The following TMED8 variants were observed in gnomAD, a reference collection of about 807,000 sequenced individuals.
TMED8 encodes protein TMED8.
In TMED8, 15 loss-of-function variants were observed where a neutral mutation model predicts 32.7. The ratio of observed to expected loss-of-function variants is 0.46; its 90% CI spans 0.31 to 0.71. The LOEUF (loss-of-function observed/expected upper bound fraction) is 0.71. Ranked by LOEUF, TMED8 falls within the 30% of genes least tolerant of loss-of-function variation. The pLI is 0.06. For missense variants in TMED8, 390 were observed against 423.9 expected, an observed-to-expected ratio of 0.92 and a Z score of 0.70; for synonymous variants, 147 against 161.4, an observed-to-expected ratio of 0.91 and a Z score of 0.68.
At chr14:77,358,344 C>T (rs968245231) in intron 1 of TMED8, among the ~76,000 whole-genome samples, 2 of 151,894 alleles carry the variant, frequency 1.3e-5, no homozygotes, top group Non-Finnish European at 2.9e-5. Context: ...CTCTGTCGCC[C>T]AGGCTAGAGT....
At chr14:77,346,741 G>C (rs1192419330) in intron 2 of TMED8, among the ~76,000 whole-genome samples, 1 of 141,490 alleles carries the variant, frequency 7.1e-6, no homozygotes, top group African/African-American at 2.6e-5. Context: ...TCCATCATCT[G>C]AGATGGACTG....
intron 3 of TMED8, among the ~76,000 whole-genome samples, chr14:77,345,051 G>C (rs902412514): frequency 6.6e-6 from 1 of 152,184 alleles, no homozygotes; most frequent in Non-Finnish European, 1.5e-5. Context: ...GCAATGGCAC[G>C]ATCTCAGCTC....
chr14:77,354,954 CAA>C (rs58297150), intron 1 of TMED8, among the ~76,000 whole-genome samples: 13 of 130,378 alleles, frequency 1.0e-4, no homozygotes, highest in African/African-American at 8.3e-5. Context: ...AACTCTGTCT[CAA>C]AAAAAAAAAA....
At chr14:77,352,280 G>C (rs890980134) in intron 1 of TMED8, among the ~76,000 whole-genome samples, 3 of 151,974 alleles carry the variant, frequency 2.0e-5, no homozygotes, top group Non-Finnish European at 4.4e-5. Context: ...CAGGCATGAT[G>C]GTGCACACCT....
In TMED8 at chr14:77,339,461, C is replaced by G. The variant is rs1480964568; in HGVS notation, c.*2310G>C. 1 of 152,176 alleles carries G rather than the reference C, an allele frequency of 6.6e-6. No homozygotes were observed. The highest frequency in any genetic ancestry group is 1.5e-5 in the Non-Finnish European group (1 of 68,036). The allele number at this position is 152,176 out of a possible 1,614,324, so 9.4% of individuals were successfully genotyped here. A position where few individuals can be genotyped will look rare whatever the true frequency, so the allele number is the denominator to read the frequency against. ...TAATAACAAGTGTTATCCTTGGGAG[C>G]TTGCTGTGTATGGCCTGACTGTTTC... On this transcript the variant is annotated 3_prime_UTR_variant, in exon 6 of 6. Transcript: ENST00000216468.
chr14:77,372,859 A>G (rs776373968), intron 1 of TMED8, among the ~76,000 whole-genome samples: 25 of 134,614 alleles, frequency 1.9e-4, no homozygotes, highest in Non-Finnish European at 2.6e-4. Context: ...CATGGTAGCC[A>G]CCAAATTTTG....
intron 1 of TMED8, among the ~76,000 whole-genome samples, chr14:77,353,695 A>C (rs1893232574): frequency 6.6e-6 from 1 of 151,668 alleles, no homozygotes; most frequent in South Asian, 2.1e-4. Context: ...TCCTGGGCTC[A>C]AGTGATCCTC....
intron 1 of TMED8, among the ~76,000 whole-genome samples, chr14:77,358,852 C>A (rs1264418953): frequency 6.6e-6 from 1 of 151,900 alleles, no homozygotes; most frequent in Non-Finnish European, 1.5e-5. Flanking sequence ...TTGTATGTTG[C>A]CCCCATCTTA....
rs1215911470 is a variant in TMED8, at chr14:77,341,252, A to T, written c.*519T>A. The T allele has an allele frequency of 6.1e-6, 1 of 163,996 alleles. No homozygotes were observed. The highest frequency in any genetic ancestry group is 5.8e-5 in the Admixed American group (1 of 17,272). 10.2% of individuals were successfully genotyped at this position (163,996 alleles called of 1,614,324 possible). On this transcript the variant is annotated 3_prime_UTR_variant, in exon 6 of 6. Transcript: ENST00000216468. ...TCCCAGCTATGCAGAGACCAAGAAT[A>T]ACCAGCAGGCAGGAATATGGCAGTG...
chr14:77,359,861 A>T (rs1432548695), intron 1 of TMED8: 2 of 180,762 alleles, frequency 1.1e-5, no homozygotes, highest in African/African-American at 4.8e-5. Flanking sequence ...TACAGTTCTC[A>T]GCAGCTCTTT....
intron 1 of TMED8, among the ~76,000 whole-genome samples, chr14:77,362,839 A>G (rs1893469024): frequency 6.6e-6 from 1 of 152,254 alleles, no homozygotes; most frequent in African/African-American, 2.4e-5. Flanking sequence ...GGCTGTACTT[A>G]GACAAAATAA....
chr14:77,345,659 C>CAAA lies in TMED8; in HGVS notation c.327+687_327+689dup, dbSNP rs11297608. Among the ~76,000 whole-genome samples, 359 of 103,070 alleles carry CAAA rather than the reference C, an allele frequency of 3.5e-3. 8 individuals are homozygous for CAAA. Among genetic ancestry groups the CAAA allele is most frequent in the East Asian group, 0.016 (45 of 2,810 alleles). 67.6% of individuals were successfully genotyped at this position (103,070 alleles called of 152,430 possible). A position where few individuals can be genotyped will look rare whatever the true frequency, so the allele number is the denominator to read the frequency against. ...GGGTGACAGAGTGAGACCTTTGTCTCAAAAAAAAAAAAAAAAAAAAAAAAT... is the reference window on the plus strand; with the variant it reads ...GGGTGACAGAGTGAGACCTTTGTCTCAAAAAAAAAAAAAAAAAAAAAAAAAAAT... On this transcript the variant is annotated intron_variant, in intron 3 of 5. Coordinates refer to ENST00000216468, the MANE Select transcript of TMED8 (RefSeq NM_213601.3).
rs1892897480 is a variant in TMED8, at chr14:77,341,502, C to A, written c.*269G>T. The A allele has an allele frequency of 2.0e-6, 1 of 504,132 alleles. No homozygotes were observed. The highest frequency in any genetic ancestry group is 3.6e-6 in the Non-Finnish European group (1 of 278,614). 31.2% of individuals were successfully genotyped at this position (504,132 alleles called of 1,614,324 possible). On this transcript the variant is annotated 3_prime_UTR_variant, in exon 6 of 6. Transcript: ENST00000216468. ...CGCCCTGCTTCCTTTTAGGCTTGTG[C>A]CCCATAGGTGCCTTCAAGAGGGAAT... is the stretch of plus-strand genomic sequence containing the variant.
intron 2 of TMED8, among the ~76,000 whole-genome samples, chr14:77,350,913 G>A (rs1209890006): frequency 6.6e-6 from 1 of 152,146 alleles, no homozygotes; most frequent in Non-Finnish European, 1.5e-5. Context: ...ATTAGAAAAG[G>A]GCATTTGGGG....
At chr14:77,342,895 C>T (rs796744388) in intron 5 of TMED8, among the ~76,000 whole-genome samples, 34 of 152,266 alleles carry the variant, frequency 2.2e-4, no homozygotes, top group African/African-American at 7.9e-4. Flanking sequence ...TCTAAACTGC[C>T]GCATGACTCA....
At chr14:77,368,571 G>C (rs1170094744) in intron 1 of TMED8, among the ~76,000 whole-genome samples, 1 of 152,108 alleles carries the variant, frequency 6.6e-6, no homozygotes, top group Non-Finnish European at 1.5e-5. Context: ...TCCGCCTCCT[G>C]GGTTCAAGAG....
At position 77,339,205 on chromosome 14, in the gene TMED8, T is replaced by A. The variant is rs1157890355; in HGVS notation, c.*2566A>T. ...AGAAATGTAACATGAAAATAGTGAATTAGACAGTGAAAATATCTTCTTTTA... is the reference window on the plus strand; with the variant it reads ...AGAAATGTAACATGAAAATAGTGAAATAGACAGTGAAAATATCTTCTTTTA... On this transcript the variant is annotated 3_prime_UTR_variant, in exon 6 of 6. Coordinates refer to ENST00000216468, the MANE Select transcript of TMED8 (RefSeq NM_213601.3). 1 of 152,232 alleles carries A rather than the reference T, an allele frequency of 6.6e-6. No homozygotes were observed. Among genetic ancestry groups the A allele is most frequent in the Non-Finnish European group, 1.5e-5 (1 of 68,038 alleles). The allele number at this position is 152,232 out of a possible 1,614,324, so 9.4% of individuals were successfully genotyped here. A position where few individuals can be genotyped will look rare whatever the true frequency, so the allele number is the denominator to read the frequency against.
chr14:77,370,642 A>G (rs1321714050), intron 1 of TMED8, among the ~76,000 whole-genome samples: 1 of 152,198 alleles, frequency 6.6e-6, no homozygotes, highest in African/African-American at 2.4e-5. Flanking sequence ...ATAAGTATAC[A>G]GTGAAAAATT....
intron 1 of TMED8, among the ~76,000 whole-genome samples, chr14:77,355,501 T>C (rs1412131867): frequency 6.6e-6 from 1 of 152,216 alleles, no homozygotes; most frequent in African/African-American, 2.4e-5. Context: ...CAATAAACAC[T>C]TTTAATGAAC....
Sources: gnomAD v4.1 joint callset for allele counts (sites outside exome capture counted in the v4.1 genomes callset) on GRCh38, gnomAD v4.1.1 for gene constraint, MANE v1.5 for transcripts, NCBI Gene and HGNC (gene_info 2026-07-23, HGNC 2026-07-21) for gene names.